The following RBM34 variants were observed in gnomAD, a reference collection of about 807,000 sequenced individuals.
RBM34 encodes the protein RNA binding motif protein 34.
RBM34 carries 39 observed loss-of-function variants against 44.6 expected under a neutral mutation model. The ratio of observed to expected loss-of-function variants is 0.87; its 90% CI spans 0.68 to 1.14. The LOEUF (loss-of-function observed/expected upper bound fraction) is 1.14. RBM34 is among the 50% of genes most tolerant of loss of function. The pLI is 0.00. For missense variants in RBM34, 572 were observed against 517.9 expected (o/e 1.10, Z -1.01); for synonymous variants, 194 against 184.0 (o/e 1.05, Z -0.44).
At chr1:235,144,526 A>G (rs948480513) in intron 6 of RBM34, among the ~76,000 whole-genome samples, 2 of 151,140 alleles carry the variant, frequency 1.3e-5, no homozygotes, top group African/African-American at 4.9e-5. Context: ...GGTTTTAAAC[A>G]TTTTGGCTAT....
At position 235,161,237 on chromosome 1, in the gene RBM34, A is replaced by T. The variant is rs375670844; in HGVS notation, c.-11T>A. The T allele has an allele frequency of 3.4e-5, 55 of 1,613,324 alleles. No homozygotes were observed. In the African/African-American group the frequency reaches 6.0e-4, roughly 18 times the overall value. ...CCCTTCCAAGGCCATTCTTACTCCA[A>T]AGACTCCCAGACTGCAGCTGCGCGC... On this transcript the variant is annotated 5_prime_UTR_variant, in exon 1 of 11. In the 5' UTR this introduces an upstream ATG that the reference lacks. Coordinates refer to ENST00000408888, the MANE Select transcript of RBM34 (RefSeq NM_015014.4).
intron 5 of RBM34, among the ~76,000 whole-genome samples, chr1:235,148,901 C>T (rs535713133): frequency 6.6e-6 from 1 of 151,832 alleles, no homozygotes; most frequent in Admixed American, 6.6e-5. Context: ...GCTGGCCAAT[C>T]ATCTTAATGC....
intron 6 of RBM34, among the ~76,000 whole-genome samples, chr1:235,145,933 G>A (rs1661881125): frequency 2.0e-5 from 3 of 148,746 alleles, no homozygotes; most frequent in Admixed American, 1.3e-4. Context: ...CTACAGACAC[G>A]TGCCTCCATG....
intron 5 of RBM34, among the ~76,000 whole-genome samples, chr1:235,151,224 G>A (rs1431954164): frequency 2.0e-5 from 3 of 152,198 alleles, no homozygotes; most frequent in African/African-American, 7.2e-5. Context: ...CCAATGAAGA[G>A]TCAAAGGCAA....
chr1:235,155,104 G>A lies in RBM34; in HGVS notation c.374C>T (p.Ala125Val). 1 of 1,610,468 alleles carries A rather than the reference G, an allele frequency of 6.2e-7. No homozygotes were observed. The change falls in exon 4 of 11, where the codon GCT becomes GTT. Residue 125 changes from alanine (A) to valine (V), a missense_variant. Transcript: ENST00000408888. ...AEKKLADRES[A>V]LASADLEEEI... ...TTCTTCTAAATCAGCACTCGCTAGA[G>A]CGCTTTCCCTTTTTAAGGCAAAAAA...
At chr1:235,146,883 A>G (rs957096721) in intron 6 of RBM34, among the ~76,000 whole-genome samples, 2 of 152,208 alleles carry the variant, frequency 1.3e-5, no homozygotes, top group Admixed American at 1.3e-4. Flanking sequence ...GGCCTCCCAA[A>G]GTGCTGGGAT....
chr1:235,160,224 C>T (rs2102869424), intron 3 of RBM34: 1 of 521,972 alleles, frequency 1.9e-6, no homozygotes, highest in East Asian at 4.9e-5. Context: ...TCTACTGCAG[C>T]CTGGGCGTGG....
chr1:235,159,289 C>T (rs181736937), intron 3 of RBM34, among the ~76,000 whole-genome samples: 65 of 151,592 alleles, frequency 4.3e-4, no homozygotes, highest in African/African-American at 1.5e-3. Flanking sequence ...TGATGGCTCA[C>T]GTATGTAATC....
chr1:235,155,291 T>C (rs1273669711), intron 3 of RBM34, among the ~76,000 whole-genome samples, 179 bp from the exon 4 acceptor site: 2 of 152,120 alleles, frequency 1.3e-5, no homozygotes, highest in Non-Finnish European at 2.9e-5. Flanking sequence ...AGAAACTGAC[T>C]AGTATCTTTA....
chr1:235,132,076 G>GAGGCAAGC, intron 10 of RBM34, 79 bp from the exon 11 acceptor site: 1 of 1,340,988 alleles, frequency 7.5e-7, no homozygotes, highest in South Asian at 1.4e-5. Flanking sequence ...CACTTTAACA[G>GAGGCAAGC]ATGAGAACGA....
chr1:235,153,284 A>C (rs1159866173), intron 4 of RBM34, among the ~76,000 whole-genome samples: 2 of 152,110 alleles, frequency 1.3e-5, no homozygotes, highest in Non-Finnish European at 2.9e-5. Flanking sequence ...AAGAAAACAC[A>C]ATTCAAGCTC....
Position 235,154,912 on chromosome 1 carries a change from A to G in RBM34, c.566T>C (p.Val189Ala), listed in dbSNP as rs1271743232. The G allele has an allele frequency of 1.9e-6, 3 of 1,613,864 alleles. No individual in the cohort carries two copies. The highest frequency in any genetic ancestry group is 2.5e-6 in the Non-Finnish European group (3 of 1,179,980). The change falls in exon 4 of 11, where the codon GTT (valine) becomes GCT (alanine). Residue 189 changes from valine (V) to alanine (A), a missense_variant. Val to Ala is a moderately conservative substitution (Grantham distance 64). Coordinates refer to ENST00000408888, the MANE Select transcript of RBM34 (RefSeq NM_015014.4). ...ERLKNERTVF[V>A]GNLPVTCNKK... ...ATTACATGTAACAGGCAAATTCCCAACAAACACAGTTCTCTCATTCTTTAA... is the reference window on the plus strand; with the variant it reads ...ATTACATGTAACAGGCAAATTCCCAGCAAACACAGTTCTCTCATTCTTTAA...
At position 235,152,773 on chromosome 1, in the gene RBM34, T is replaced by TAAA; in HGVS notation, c.598-11_598-9dup. Reference sequence around the variant, plus strand: ...AAAAAACGACTTCAGCTTCTAAAATTAAAAAAAAAAATACACATTAGCTGA... The same window carrying TAAA: ...AAAAAACGACTTCAGCTTCTAAAATTAAAAAAAAAAAAAATACACATTAGCTGA... On this transcript the variant is annotated splice_polypyrimidine_tract_variant and intron_variant, in intron 4 of 10. Transcript: ENST00000408888. 7.7e-7 allele frequency: 1 copy of TAAA among 1,297,964 alleles called. No individual in the cohort carries two copies. Among genetic ancestry groups the TAAA allele is most frequent in the African/African-American group, 1.6e-5 (1 of 64,314 alleles). 80.4% of individuals were successfully genotyped at this position (1,297,964 alleles called of 1,614,324 possible). A position where few individuals can be genotyped will look rare whatever the true frequency, so the allele number is the denominator to read the frequency against.
At chr1:235,149,633 C>G (rs1231387004) in intron 5 of RBM34, among the ~76,000 whole-genome samples, 2 of 152,068 alleles carry the variant, frequency 1.3e-5, no homozygotes, top group African/African-American at 2.4e-5. Context: ...TATATAGCCT[C>G]CTTTAAGAGT....
intron 6 of RBM34, among the ~76,000 whole-genome samples, chr1:235,146,435 G>A (rs879760933): frequency 2.0e-5 from 3 of 152,084 alleles, no homozygotes; most frequent in Non-Finnish European, 4.4e-5. Flanking sequence ...AGCAGAAAAA[G>A]GGAAGGTGTG....
At chr1:235,158,012 G>A (rs915332282) in intron 3 of RBM34, among the ~76,000 whole-genome samples, 1 of 152,024 alleles carries the variant, frequency 6.6e-6, no homozygotes, top group Non-Finnish European at 1.5e-5. Context: ...GAAGGACTGT[G>A]GGAATGGTAG....
intron 3 of RBM34, among the ~76,000 whole-genome samples, chr1:235,158,601 G>A (rs1286523359): frequency 2.6e-5 from 4 of 152,150 alleles, no homozygotes; most frequent in Admixed American, 1.3e-4. Context: ...AAATATGGCT[G>A]TGTACAGATG....
At chr1:235,159,318 G>A (rs960145813) in intron 3 of RBM34, among the ~76,000 whole-genome samples, 1 of 152,002 alleles carries the variant, frequency 6.6e-6, no homozygotes, top group African/African-American at 2.4e-5. Flanking sequence ...TTGGGAGGCG[G>A]AGGCAAGTGG....
chr1:235,160,950 C>A lies in RBM34; in HGVS notation c.171G>T (p.Ala57=). 6.2e-7 allele frequency: 1 copy of A among 1,614,140 alleles called. No homozygotes were observed. Among genetic ancestry groups the A allele is most frequent in the Non-Finnish European group, 8.5e-7 (1 of 1,180,036 alleles). ...HHSRGGTGRL[A]SLFSSLEPQI... ...GGGGCTCCAGAGAACTGAAGAGGGA[C>A]GCCAGCCGACCGGTGCCACCTCTGG... Residue 57 remains alanine (A), a synonymous_variant, in exon 2 of 11, where the codon GCG becomes GCT. Transcript: ENST00000408888.
Sources: gnomAD v4.1 joint callset for allele counts (sites outside exome capture counted in the v4.1 genomes callset) on GRCh38, gnomAD v4.1.1 for gene constraint, MANE v1.5 for transcripts, NCBI Gene and HGNC (gene_info 2026-07-23, HGNC 2026-07-21) for gene names.